CAMSAP2: variants seen among roughly 807,000 people sequenced by gnomAD.
CAMSAP2 encodes the protein calmodulin regulated spectrin associated protein family member 2.
In CAMSAP2, 26 loss-of-function variants were observed where a neutral mutation model predicts 146.1. The ratio of observed to expected loss-of-function variants is 0.18; its 90% CI spans 0.13 to 0.25. CAMSAP2 has a LOEUF of 0.25. Among genes scored for constraint, CAMSAP2 ranks in the 10% least tolerant of loss-of-function variants. The pLI, the probability that CAMSAP2 is intolerant of heterozygous loss-of-function variation, is 1.00. For missense variants in CAMSAP2, 1,381 were observed against 1,759.3 expected (o/e 0.78, Z 3.85); for synonymous variants, 499 against 596.6 (o/e 0.84, Z 2.38).
intron 2 of CAMSAP2, among the ~76,000 whole-genome samples, chr1:200,781,370 A>G (rs1202611299): frequency 6.6e-6 from 1 of 152,236 alleles, no homozygotes; most frequent in African/African-American, 2.4e-5. Context: ...GGTGGTGGAC[A>G]GGCCTGAGCT....
At position 200,832,182 on chromosome 1, in the gene CAMSAP2, A is replaced by AT. The variant is rs746129213; in HGVS notation, c.646-10dup. The AT allele has an allele frequency of 2.1e-5, 33 of 1,579,914 alleles. No homozygotes were observed. Among genetic ancestry groups the AT allele is most frequent in the Admixed American group, 1.7e-4 (9 of 52,340 alleles). ...ATTTGGTACTTATTTATTTTCATGT[A>AT]TTTTTTTTATATCGTAGGCTCGTTA... On this transcript the variant is annotated splice_polypyrimidine_tract_variant and intron_variant, in intron 4 of 16. Coordinates refer to ENST00000358823, the MANE Select transcript of CAMSAP2 (RefSeq NM_203459.4). The surrounding 1 kb of genome is among the most constrained non-coding windows in gnomAD (Gnocchi z 4.2).
rs148236895 is a variant in CAMSAP2, at chr1:200,825,656, G to A, written c.646-6544G>A. Reference sequence around the variant, plus strand: ...CAAGTAACTGGTACTACAGGCGAGCGCCACCACACCTGGCTAATCTTTGCA... The same window carrying A: ...CAAGTAACTGGTACTACAGGCGAGCACCACCACACCTGGCTAATCTTTGCA... On this transcript the variant is annotated intron_variant, in intron 4 of 16. Coordinates refer to ENST00000358823, the MANE Select transcript of CAMSAP2 (RefSeq NM_203459.4). Among the ~76,000 whole-genome samples the A allele has an allele frequency of 8.9e-4, 135 of 152,014 alleles. 2 individuals carry two copies. In the East Asian group the frequency reaches 0.021, roughly 24 times the overall value.
chr1:200,847,794 A>G (rs1667499728), intron 10 of CAMSAP2, 85 bp downstream of exon 10: 1 of 1,220,312 alleles, frequency 8.2e-7, no homozygotes, highest in East Asian at 2.3e-5. Flanking sequence ...TGATAACCAA[A>G]TTGCTAAAAC....
At chr1:200,851,750 A>G (rs1667624410) in intron 11 of CAMSAP2, among the ~76,000 whole-genome samples, 1 of 152,154 alleles carries the variant, frequency 6.6e-6, no homozygotes, top group African/African-American at 2.4e-5. Flanking sequence ...ATCTGACACT[A>G]TGTTGTGAGT....
intron 8 of CAMSAP2, among the ~76,000 whole-genome samples, chr1:200,845,515 C>A (rs1183104673): frequency 1.3e-5 from 2 of 152,060 alleles, no homozygotes; most frequent in African/African-American, 2.4e-5. Context: ...GGAGTAAAGG[C>A]AGTAAAGGCA....
chr1:200,834,479 A>G (rs1188316647), intron 6 of CAMSAP2, among the ~76,000 whole-genome samples: 1 of 152,224 alleles, frequency 6.6e-6, no homozygotes, highest in Non-Finnish European at 1.5e-5. Context: ...TAATACTTCA[A>G]GAATTATGTC....
chr1:200,750,330 C>T (rs1050648869), intron 1 of CAMSAP2, among the ~76,000 whole-genome samples: 3 of 151,968 alleles, frequency 2.0e-5, no homozygotes, highest in East Asian at 1.9e-4. Flanking sequence ...CTGACTTGTT[C>T]GGCTCGATGG....
At position 200,857,652 on chromosome 1, in the gene CAMSAP2, A is replaced by G; in HGVS notation, c.4132-102A>G. Reference sequence around the variant, plus strand: ...AGATTTGTCATTGAAATAATGTTATAAAATGTGACTAAGAAACGTAACATA... The same window carrying G: ...AGATTTGTCATTGAAATAATGTTATGAAATGTGACTAAGAAACGTAACATA... On this transcript the variant is annotated intron_variant, in intron 16 of 16. Transcript: ENST00000358823. This position sits in a 1 kb window ranked among gnomAD's most constrained non-coding sequence, Gnocchi z 4.7. The G allele has an allele frequency of 9.2e-7, 1 of 1,087,964 alleles. No homozygotes were observed. The highest frequency in any genetic ancestry group is 1.3e-6 in the Non-Finnish European group (1 of 766,562). The allele number at this position is 1,087,964 out of a possible 1,614,324, so 67.4% of individuals were successfully genotyped here. A position where few individuals can be genotyped will look rare whatever the true frequency, so the allele number is the denominator to read the frequency against.
chr1:200,792,159 T>C (rs550860890), intron 2 of CAMSAP2, among the ~76,000 whole-genome samples: 11 of 152,276 alleles, frequency 7.2e-5, no homozygotes, highest in Admixed American at 1.3e-4. Flanking sequence ...TTTGAGGTAA[T>C]CCTAAAAACA....
Position 200,832,580 on chromosome 1 carries a change from C to A in CAMSAP2, c.788-126C>A. On this transcript the variant is annotated intron_variant, in intron 5 of 16. Transcript: ENST00000358823. The surrounding 1 kb of genome is among the most constrained non-coding windows in gnomAD (Gnocchi z 4.2). ...GTTTCTAAGTCTTAATGTATAATGA[C>A]TACTATATTTATAAATGTATGTTTG... 1 of 850,388 alleles carries A rather than the reference C, an allele frequency of 1.2e-6. No individual in the cohort carries two copies. The highest frequency in any genetic ancestry group is 1.7e-6 in the Non-Finnish European group (1 of 587,964). The allele number at this position is 850,388 out of a possible 1,614,324, so 52.7% of individuals were successfully genotyped here.
At position 200,833,941 on chromosome 1, in the gene CAMSAP2, A is replaced by G. The variant is rs185960003; in HGVS notation, c.927+1096A>G. Among the ~76,000 whole-genome samples the G allele has an allele frequency of 1.9e-3, 296 of 152,300 alleles. 1 individual carries two copies. Among genetic ancestry groups the G allele is most frequent in the African/African-American group, 6.9e-3 (288 of 41,550 alleles). ...AGACTGTTTGAAATTTGTCACGTTT[A>G]TTGTCCTTTGACTGTAGGCTAATGT... On this transcript the variant is annotated intron_variant, in intron 6 of 16. Coordinates refer to ENST00000358823, the MANE Select transcript of CAMSAP2 (RefSeq NM_203459.4).
At chr1:200,854,732 A>G (rs952247872) in intron 13 of CAMSAP2, 85 bp from the exon 14 acceptor site, 56 of 923,552 alleles carry the variant, frequency 6.1e-5, no homozygotes, top group Non-Finnish European at 9.3e-5. Context: ...GGTGTTATCT[A>G]ATGAACAGAC....
At chr1:200,745,258 C>T (rs1664289412) in intron 1 of CAMSAP2, among the ~76,000 whole-genome samples, 1 of 152,158 alleles carries the variant, frequency 6.6e-6, no homozygotes, top group Admixed American at 6.5e-5. Context: ...ACCACTACCC[C>T]TACTCCTACC....
In CAMSAP2 at chr1:200,857,324, A is replaced by T. The variant is rs1285479597; in HGVS notation, c.4031A>T (p.Glu1344Val). Residue 1344 changes from glutamate to valine, a missense_variant, in exon 16 of 17, where the codon GAA becomes GTA. This residue lies in a region of CAMSAP2 where 90 missense variants were observed against 174.4 expected (regional missense o/e 0.52). Transcript: ENST00000358823. This position sits in a 1 kb window ranked among gnomAD's most constrained non-coding sequence, Gnocchi z 4.7. ...ACCATAGGACCAAAGCTCTACAAAG[A>T]ACCCAGTGCAAAATCCAATAAGCAC... ...TEYTGPKLYK[E>V]PSAKSNKHII... The T allele has an allele frequency of 1.9e-6, 3 of 1,612,104 alleles. No individual in the cohort carries two copies. The East Asian group carries it at 6.7e-5, about 36-fold the overall frequency.
intron 2 of CAMSAP2, among the ~76,000 whole-genome samples, chr1:200,773,935 AATAAAAT>A (rs900941424): frequency 2.2e-5 from 3 of 138,450 alleles, no homozygotes; most frequent in African/African-American, 7.8e-5. Flanking sequence ...AATAAAATAA[AATAAAAT>A]AAAATAAAAT....
intron 2 of CAMSAP2, among the ~76,000 whole-genome samples, chr1:200,780,351 T>C (rs947404564): frequency 3.9e-5 from 6 of 152,178 alleles, no homozygotes; most frequent in African/African-American, 1.4e-4. Flanking sequence ...AACTTAACAG[T>C]CTTTTGTAAC....
At chr1:200,761,333 T>C (rs1010845497) in intron 2 of CAMSAP2, among the ~76,000 whole-genome samples, 1 of 152,228 alleles carries the variant, frequency 6.6e-6, no homozygotes, top group African/African-American at 2.4e-5. Flanking sequence ...CCAACTACCT[T>C]AATGTAATTT....
At chr1:200,792,770 G>A (rs1665789387) in intron 2 of CAMSAP2, among the ~76,000 whole-genome samples, 1 of 152,218 alleles carries the variant, frequency 6.6e-6, no homozygotes, top group Non-Finnish European at 1.5e-5. Flanking sequence ...ATTGCCAGGG[G>A]TTGGAGAGAA....
intron 1 of CAMSAP2, among the ~76,000 whole-genome samples, chr1:200,742,495 AC>A (rs1408241252): frequency 6.6e-6 from 1 of 152,186 alleles, no homozygotes; most frequent in East Asian, 1.9e-4. Flanking sequence ...GTCTTTCAAA[AC>A]AAATTTATAT....
Sources: allele counts gnomAD v4.1 joint callset (sites outside exome capture counted in the v4.1 genomes callset), GRCh38; gene constraint gnomAD v4.1.1; regional missense constraint gnomAD v4.1.1; non-coding constraint Gnocchi (gnomAD v3.1); transcripts MANE v1.5; gene names NCBI Gene and HGNC (gene_info 2026-07-23, HGNC 2026-07-21).